Variants in FAM168A observed in about 807,000 individuals in gnomAD.
The protein encoded by FAM168A is family with sequence similarity 168 member A.
A neutral mutation model predicts 28.5 loss-of-function variants in FAM168A; 3 were observed. The ratio of observed to expected loss-of-function variants is 0.11; its 90% CI spans 0.05 to 0.27. The LOEUF (loss-of-function observed/expected upper bound fraction) is 0.27. Ranked by LOEUF, FAM168A falls within the 10% of genes least tolerant of loss-of-function variation. The pLI is 1.00. For missense variants in FAM168A, 222 were observed against 311.5 expected, an observed-to-expected ratio of 0.71 and a Z score of 2.16; for synonymous variants, 122 against 124.2, an observed-to-expected ratio of 0.98 and a Z score of 0.12.
At chr11:73,513,205 ATT>A (rs1046600591) in intron 1 of FAM168A, among the ~76,000 whole-genome samples, 74 of 109,350 alleles carry the variant, frequency 6.8e-4, no homozygotes, top group African/African-American at 1.7e-3. Context: ...TTTTTTTTTA[ATT>A]TTTTTTTTTT....
intron 1 of FAM168A, among the ~76,000 whole-genome samples, chr11:73,572,528 C>CAA (rs1944113991): frequency 8.8e-6 from 1 of 113,334 alleles, no homozygotes; most frequent in East Asian, 2.6e-4. Flanking sequence ...TTGTTCTGTA[C>CAA]TAAGAAAAAT....
intron 3 of FAM168A, among the ~76,000 whole-genome samples, chr11:73,427,243 G>A (rs1172088124): frequency 6.6e-6 from 1 of 151,500 alleles, no homozygotes; most frequent in Non-Finnish European, 1.5e-5. Flanking sequence ...CACCCGCCTC[G>A]GCCTCCCAAA....
At chr11:73,587,028 C>G (rs1043228294) in intron 1 of FAM168A, among the ~76,000 whole-genome samples, 2 of 151,750 alleles carry the variant, frequency 1.3e-5, no homozygotes, top group African/African-American at 4.8e-5. Context: ...GCCATTCCCC[C>G]AATAAGAAAT....
chr11:73,412,151 C>G (rs1040196875), intron 4 of FAM168A: 1 of 154,150 alleles, frequency 6.5e-6, no homozygotes, highest in Non-Finnish European at 1.4e-5. Flanking sequence ...ATACAAAACA[C>G]CATTCGGAGA....
intron 1 of FAM168A, among the ~76,000 whole-genome samples, chr11:73,493,390 T>C (rs1268428614): frequency 6.6e-6 from 1 of 151,990 alleles, no homozygotes; most frequent in African/African-American, 2.4e-5. Context: ...GTATCTTTAG[T>C]TTTTAGGGTC....
intron 4 of FAM168A, among the ~76,000 whole-genome samples, chr11:73,418,809 ATTTT>A (rs61036118): frequency 7.3e-6 from 1 of 136,184 alleles, no homozygotes; most frequent in Non-Finnish European, 1.6e-5. Flanking sequence ...CAGTAATTTC[ATTTT>A]TTTTTTTTTT....
intron 1 of FAM168A, among the ~76,000 whole-genome samples, chr11:73,575,733 G>C (rs997573345): frequency 6.6e-6 from 1 of 152,148 alleles, no homozygotes; most frequent in African/African-American, 2.4e-5. Context: ...GCTGGGTGTA[G>C]TGGCAGGAAC....
intron 1 of FAM168A, among the ~76,000 whole-genome samples, chr11:73,525,861 T>C (rs1369933179): frequency 6.6e-6 from 1 of 152,238 alleles, no homozygotes; most frequent in Non-Finnish European, 1.5e-5. Flanking sequence ...TTTGAAAAGA[T>C]ATAAGATGTA....
chr11:73,431,319 G>A (rs2134512027), intron 2 of FAM168A, among the ~76,000 whole-genome samples: 1 of 152,184 alleles, frequency 6.6e-6, no homozygotes, highest in Admixed American at 6.6e-5. Flanking sequence ...TCTAGCCTGG[G>A]CGACAGAGCA....
intron 5 of FAM168A, 52 bp downstream of exon 5, chr11:73,411,342 C>T (rs561690152): frequency 6.5e-7 from 1 of 1,536,928 alleles, no homozygotes; most frequent in Non-Finnish European, 8.8e-7. Flanking sequence ...ACACTGCACC[C>T]AGGCTGAAGG....
At chr11:73,468,094 GA>G (rs1389625569) in intron 2 of FAM168A, among the ~76,000 whole-genome samples, 1 of 152,154 alleles carries the variant, frequency 6.6e-6, no homozygotes, top group Non-Finnish European at 1.5e-5. Flanking sequence ...GGCATTCTTA[GA>G]AGCTTAACAC....
At chr11:73,551,110 C>CA (rs199595702) in intron 1 of FAM168A, among the ~76,000 whole-genome samples, 4,299 of 76,728 alleles carry the variant, frequency 0.056, 70 homozygotes, top group Non-Finnish European at 0.085. Flanking sequence ...GACTCTGTCT[C>CA]AAAAAAAAAA....
At chr11:73,586,227 C>G (rs74982083) in intron 1 of FAM168A, among the ~76,000 whole-genome samples, 1,784 of 152,238 alleles carry the variant, frequency 0.012, 35 homozygotes, top group African/African-American at 0.04. Context: ...CACTTATTGG[C>G]TGATGGGCCT....
chr11:73,404,468 T>C lies in FAM168A; in HGVS notation c.*2295A>G, dbSNP rs1000153760. 7 of 152,220 alleles carry C rather than the reference T, an allele frequency of 4.6e-5. No homozygotes were observed. Among genetic ancestry groups the C allele is most frequent in the South Asian group, 2.1e-4 (1 of 4,832 alleles). The allele number at this position is 152,220 out of a possible 1,614,324, so 9.4% of individuals were successfully genotyped here. On this transcript the variant is annotated 3_prime_UTR_variant, in exon 8 of 8. Transcript: ENST00000356467. The stretch of plus-strand genomic sequence containing the variant: ...TATTATCATTATTATTATTTTGGCA[T>C]TTTTCAAACACGTATGACATAATCT...
intron 1 of FAM168A, among the ~76,000 whole-genome samples, chr11:73,506,336 A>G (rs1389703195): frequency 6.6e-6 from 1 of 152,126 alleles, no homozygotes; most frequent in Admixed American, 6.6e-5. Context: ...TAGAAATAAG[A>G]AGAAAGGAGC....
Position 73,418,471 on chromosome 11 carries a change from C to T in FAM168A, c.277+1403G>A, listed in dbSNP as rs72970031. Among the ~76,000 whole-genome samples, 270 of 152,354 alleles carry T rather than the reference C, an allele frequency of 1.8e-3. 1 individual carries two copies. Among genetic ancestry groups the T allele is most frequent in the Middle Eastern group, 6.8e-3 (2 of 294 alleles). ...GGGGTTGGTACCATGCTTGTGCAGC[C>T]TGCAGAACCGTAAGCCAATTAAACC... On this transcript the variant is annotated intron_variant, in intron 4 of 7. Coordinates refer to ENST00000356467, the MANE Select transcript of FAM168A (RefSeq NM_015159.3).
intron 1 of FAM168A, among the ~76,000 whole-genome samples, chr11:73,549,212 G>T (rs1943796400): frequency 6.6e-6 from 1 of 152,122 alleles, no homozygotes; most frequent in Non-Finnish European, 1.5e-5. Flanking sequence ...AAAGTACTGG[G>T]ATTATAGGCA....
chr11:73,434,475 G>A (rs1867054569), intron 2 of FAM168A, among the ~76,000 whole-genome samples: 1 of 152,222 alleles, frequency 6.6e-6, no homozygotes, highest in South Asian at 2.1e-4. Context: ...AAATGATAGT[G>A]TTAAGCAGAT....
chr11:73,418,622 T>C (rs990824450), intron 4 of FAM168A, among the ~76,000 whole-genome samples: 14 of 152,224 alleles, frequency 9.2e-5, no homozygotes, highest in African/African-American at 3.1e-4. Flanking sequence ...ACTTAGTAGA[T>C]TAATAATTTG....
Sources: gnomAD v4.1 joint callset for allele counts (sites outside exome capture counted in the v4.1 genomes callset) on GRCh38, gnomAD v4.1.1 for gene constraint, MANE v1.5 for transcripts, NCBI Gene and HGNC (gene_info 2026-07-23, HGNC 2026-07-21) for gene names.